The following OLA1 variants were observed in gnomAD, a reference collection of about 807,000 sequenced individuals.
The protein encoded by OLA1 is obg-like ATPase 1.
Under a neutral mutation model 48.4 loss-of-function variants are expected in OLA1, and 14 were observed. That is an observed-to-expected ratio of 0.29 (90% confidence interval 0.19 to 0.45). The LOEUF (loss-of-function observed/expected upper bound fraction) is 0.45, where lower values mean the gene tolerates loss of function less well. OLA1 is among the 20% of genes least tolerant of loss of function. The pLI, the probability that OLA1 is intolerant of heterozygous loss-of-function variation, is 1.00. For synonymous variants in OLA1, 127 were observed against 150.4 expected (o/e 0.84, Z 1.14); for missense variants, 325 against 467.1 (o/e 0.70, Z 2.80).
chr2:174,246,895 T>C, intron 1 of OLA1, 80 bp from the exon 2 acceptor site: 1 of 756,220 alleles, frequency 1.3e-6, no homozygotes, highest in Non-Finnish European at 2.2e-6. Flanking sequence ...ACATACAATA[T>C]ATTATTGAAT....
At chr2:174,136,734 T>C (rs1686318471) in intron 5 of OLA1, among the ~76,000 whole-genome samples, 1 of 151,734 alleles carries the variant, frequency 6.6e-6, no homozygotes. Flanking sequence ...TGCAGTGGTG[T>C]GATCTTGGTT....
At chr2:174,130,340 A>G (rs900228718) in intron 5 of OLA1, among the ~76,000 whole-genome samples, 2 of 152,220 alleles carry the variant, frequency 1.3e-5, no homozygotes, top group African/African-American at 4.8e-5. Flanking sequence ...AATGCTCTAC[A>G]TGACTATGCG....
At chr2:174,232,533 T>A (rs1271831715) in intron 2 of OLA1, among the ~76,000 whole-genome samples, 1 of 152,154 alleles carries the variant, frequency 6.6e-6, no homozygotes, top group Non-Finnish European at 1.5e-5. Flanking sequence ...TCAGCAGCAA[T>A]GATCACACCT....
intron 5 of OLA1, among the ~76,000 whole-genome samples, chr2:174,128,910 G>T (rs1368290100): frequency 6.6e-6 from 1 of 152,136 alleles, no homozygotes. Flanking sequence ...ACTGCTAAGT[G>T]AGAACAGCAG....
At chr2:174,247,909 C>T in intron 1 of OLA1, 1 of 1,072,718 alleles carries the variant, frequency 9.3e-7, no homozygotes, top group Non-Finnish European at 1.3e-6. Context: ...TCACAAAGAC[C>T]GCTAAGCTCA....
chr2:174,211,304 C>T (rs1466623768), intron 4 of OLA1, among the ~76,000 whole-genome samples: 2 of 151,964 alleles, frequency 1.3e-5, no homozygotes, highest in African/African-American at 2.4e-5. Flanking sequence ...TGAGAACAAT[C>T]GAGGAAGTAA....
intron 5 of OLA1, among the ~76,000 whole-genome samples, chr2:174,134,219 G>T (rs1036511164): frequency 6.6e-6 from 1 of 152,144 alleles, no homozygotes; most frequent in Non-Finnish European, 1.5e-5. Context: ...AGTTCATATG[G>T]TAAGTCTATA....
intron 2 of OLA1, among the ~76,000 whole-genome samples, chr2:174,233,378 T>G (rs954307595): frequency 6.6e-6 from 1 of 152,176 alleles, no homozygotes; most frequent in Admixed American, 6.5e-5. Flanking sequence ...TATAATATAT[T>G]ACATTTTTTA....
chr2:174,108,971 C>T (rs572198088), intron 7 of OLA1, among the ~76,000 whole-genome samples: 2 of 152,158 alleles, frequency 1.3e-5, no homozygotes, highest in African/African-American at 2.4e-5. Flanking sequence ...CTGTGCCACA[C>T]GTGTTTGTCA....
At chr2:174,123,037 C>T (rs1169457657) in intron 7 of OLA1, 143 bp downstream of exon 7, 1 of 543,226 alleles carries the variant, frequency 1.8e-6, no homozygotes, top group African/African-American at 2.0e-5. Context: ...ATACCAAGCA[C>T]AGCTTTCTCA....
intron 4 of OLA1, among the ~76,000 whole-genome samples, chr2:174,222,219 C>A (rs966482082): frequency 1.3e-5 from 2 of 151,930 alleles, no homozygotes; most frequent in Non-Finnish European, 2.9e-5. Flanking sequence ...CAAAAAGTAC[C>A]GGCAGAATTT....
At chr2:174,179,921 G>A (rs150925798) in intron 4 of OLA1, among the ~76,000 whole-genome samples, 2 of 152,072 alleles carry the variant, frequency 1.3e-5, no homozygotes, top group African/African-American at 4.8e-5. Context: ...TAATGAAAAA[G>A]CATAATAAAA....
intron 4 of OLA1, among the ~76,000 whole-genome samples, chr2:174,176,666 TA>T (rs770273216): frequency 1.8e-4 from 28 of 152,086 alleles, no homozygotes; most frequent in Non-Finnish European, 3.4e-4. Context: ...TCTAGGATAT[TA>T]AAAGCTAAAC....
chr2:174,108,465 A>G (rs1428185881), intron 7 of OLA1, among the ~76,000 whole-genome samples: 1 of 152,196 alleles, frequency 6.6e-6, no homozygotes, highest in Non-Finnish European at 1.5e-5. Flanking sequence ...TTATCATAAA[A>G]TATAACATTT....
At chr2:174,139,881 G>A (rs199536998) in intron 5 of OLA1, among the ~76,000 whole-genome samples, 3,208 of 112,608 alleles carry the variant, frequency 0.028, 75 homozygotes, top group African/African-American at 0.053. Flanking sequence ...AAAAAAAAAA[G>A]AAAGAAAGAA....
At chr2:174,192,250 A>C (rs537389647) in intron 4 of OLA1, among the ~76,000 whole-genome samples, 1 of 152,296 alleles carries the variant, frequency 6.6e-6, no homozygotes, top group South Asian at 2.1e-4. Flanking sequence ...GAAGTGTTTC[A>C]GATTTTGGAT....
rs1686456811 is a variant in OLA1, at chr2:174,141,875, G to A, written c.499C>T (p.Leu167=). The change falls in exon 5 of 11, where the codon CTA becomes TTA. Residue 167 remains leucine (L), a synonymous_variant. Coordinates refer to ENST00000284719, the MANE Select transcript of OLA1 (RefSeq NM_013341.5). The part of the protein sequence containing the change: ...EEMIGPIIDK[L]EKVAVRGGDK... ...CCTCCTCTCACAGCCACCTTTTCTAGTTTATCTATAATGGGCCCAATCATT... is the reference window on the plus strand; with the variant it reads ...CCTCCTCTCACAGCCACCTTTTCTAATTTATCTATAATGGGCCCAATCATT... 9.3e-6 allele frequency: 15 copies of A among 1,610,646 alleles called. No individual in the cohort carries two copies. Among genetic ancestry groups the A allele is most frequent in the Non-Finnish European group, 1.3e-5 (15 of 1,179,402 alleles).
chr2:174,136,065 G>T (rs11684977), intron 5 of OLA1, among the ~76,000 whole-genome samples: 64,326 of 152,096 alleles, frequency 0.42, 14,448 homozygotes, highest in East Asian at 0.94. Flanking sequence ...CATCTCTGCT[G>T]TCAGTGAGTT....
At chr2:174,130,394 C>T (rs1350908799) in intron 5 of OLA1, among the ~76,000 whole-genome samples, 2 of 152,182 alleles carry the variant, frequency 1.3e-5, no homozygotes, top group Admixed American at 6.5e-5. Flanking sequence ...ACACAATAGG[C>T]TAATTCTAGC....
Sources: allele counts gnomAD v4.1 joint callset (sites outside exome capture counted in the v4.1 genomes callset), GRCh38; gene constraint gnomAD v4.1.1; transcripts MANE v1.5; gene names NCBI Gene and HGNC (gene_info 2026-07-23, HGNC 2026-07-21).